Variants in KCNJ3 observed in about 807,000 individuals in gnomAD.
The protein encoded by KCNJ3 is G protein-activated inward rectifier potassium channel 1.
Under a neutral mutation model 39.2 loss-of-function variants are expected in KCNJ3, and 4 were observed. That is an observed-to-expected ratio of 0.10 (90% CI 0.05 to 0.23). KCNJ3 has a LOEUF of 0.23. Among genes scored for constraint, KCNJ3 ranks in the 10% least tolerant of loss-of-function variants. The probability of loss-of-function intolerance (pLI) is 1.00; values close to 1 mark genes in which losing one functional copy is unlikely to be tolerated. For missense variants in KCNJ3, 276 were observed against 634.9 expected, an observed-to-expected ratio of 0.43 and a Z score of 6.08; for synonymous variants, 230 against 237.4, an observed-to-expected ratio of 0.97 and a Z score of 0.29.
At chr2:154,759,992 A>C (rs1686010232) in intron 2 of KCNJ3, among the ~76,000 whole-genome samples, 1 of 151,552 alleles carries the variant, frequency 6.6e-6, no homozygotes, top group South Asian at 2.1e-4. Context: ...CTACAGAACT[A>C]TTTAAAGAAG....
intron 2 of KCNJ3, among the ~76,000 whole-genome samples, chr2:154,829,301 C>A (rs192139064): frequency 6.6e-6 from 1 of 152,050 alleles, no homozygotes; most frequent in Non-Finnish European, 1.5e-5. Flanking sequence ...CTCAAGTAGG[C>A]CCTGGTGTCT....
At chr2:154,796,338 A>G (rs1237557797) in intron 2 of KCNJ3, among the ~76,000 whole-genome samples, 1 of 152,160 alleles carries the variant, frequency 6.6e-6, no homozygotes, top group Non-Finnish European at 1.5e-5. Flanking sequence ...CCCTTCATAC[A>G]AAATTAAAAA....
intron 2 of KCNJ3, among the ~76,000 whole-genome samples, chr2:154,713,154 T>A (rs1426829154): frequency 6.6e-6 from 1 of 152,058 alleles, no homozygotes; most frequent in Non-Finnish European, 1.5e-5. Context: ...AAGCAGAGCC[T>A]GTATTTATAC....
chr2:154,698,958 C>T lies in KCNJ3; in HGVS notation c.183C>T (p.Gly61=). 6.2e-7 allele frequency: 1 copy of T among 1,614,174 alleles called. No homozygotes were observed. Among genetic ancestry groups the T allele is most frequent in the East Asian group, 2.2e-5 (1 of 44,844 alleles). Reference sequence around the variant, plus strand: ...GCAATGTACAGCACGGCAACCTGGGCAGCGAGACAAGCCGCTACCTCTCGG... The same window carrying T: ...GCAATGTACAGCACGGCAACCTGGGTAGCGAGACAAGCCGCTACCTCTCGG... ...GRCNVQHGNL[G]SETSRYLSDL... The change falls in exon 1 of 3, where the codon GGC becomes GGT. Residue 61 remains glycine, a synonymous_variant. Coordinates refer to ENST00000295101, the MANE Select transcript of KCNJ3 (RefSeq NM_002239.4).
At chr2:154,834,241 C>G (rs2961972) in intron 2 of KCNJ3, among the ~76,000 whole-genome samples, 30,305 of 151,958 alleles carry the variant, frequency 0.2, 3,365 homozygotes, top group East Asian at 0.4. Flanking sequence ...ATTTTGATAG[C>G]CATGTAATGA....
intron 2 of KCNJ3, among the ~76,000 whole-genome samples, chr2:154,726,243 T>C (rs1181706428): frequency 1.3e-5 from 2 of 151,948 alleles, no homozygotes; most frequent in African/African-American, 4.8e-5. Flanking sequence ...CCAGAATTTA[T>C]AAGAAACTCA....
intron 2 of KCNJ3, among the ~76,000 whole-genome samples, chr2:154,819,607 T>G (rs1687136096): frequency 6.6e-6 from 1 of 152,066 alleles, no homozygotes; most frequent in South Asian, 2.1e-4. Context: ...CTCGGCTCAC[T>G]GCAACCTCTG....
At chr2:154,735,221 G>C (rs1574440235) in intron 2 of KCNJ3, among the ~76,000 whole-genome samples, 3 of 151,832 alleles carry the variant, frequency 2.0e-5, no homozygotes, top group Non-Finnish European at 4.4e-5. Context: ...TGAGTAGCTG[G>C]GACTACAGGG....
In KCNJ3 at chr2:154,744,735, T is replaced by C. The variant is rs150438842; in HGVS notation, c.919+34916T>C. ...CTTTCTTTGCTAAAGGTTTATCAATTTTATGGATCATTTCCAACAACCAGG... is the reference window on the plus strand; with the variant it reads ...CTTTCTTTGCTAAAGGTTTATCAATCTTATGGATCATTTCCAACAACCAGG... On this transcript the variant is annotated intron_variant, in intron 2 of 2. Coordinates refer to ENST00000295101, the MANE Select transcript of KCNJ3 (RefSeq NM_002239.4). Among the ~76,000 whole-genome samples the C allele has an allele frequency of 2.0e-5, 3 of 151,990 alleles. No individual in the cohort carries two copies. The East Asian group carries it at 5.8e-4, about 29-fold the overall frequency.
intron 2 of KCNJ3, among the ~76,000 whole-genome samples, chr2:154,712,069 C>T (rs905697200): frequency 1.3e-5 from 2 of 152,096 alleles, no homozygotes; most frequent in Non-Finnish European, 2.9e-5. Flanking sequence ...ATAAGAAAAA[C>T]ATTACTCATA....
intron 2 of KCNJ3, among the ~76,000 whole-genome samples, chr2:154,778,704 A>T (rs540660187): frequency 6.6e-6 from 1 of 152,298 alleles, no homozygotes; most frequent in African/African-American, 2.4e-5. Flanking sequence ...CATTATACAT[A>T]TGCATATGCT....
chr2:154,701,630 C>T (rs569526692), intron 1 of KCNJ3, among the ~76,000 whole-genome samples: 19 of 151,958 alleles, frequency 1.3e-4, no homozygotes, highest in Middle Eastern at 3.4e-3. Context: ...TGTATAGTGT[C>T]GACAAATTTG....
chr2:154,726,508 G>A (rs545724510), intron 2 of KCNJ3, among the ~76,000 whole-genome samples: 17 of 152,168 alleles, frequency 1.1e-4, no homozygotes, highest in South Asian at 4.1e-4. Context: ...TTACACTGCC[G>A]GTGGGAATGT....
rs539124445 is a variant in KCNJ3 at position 154,849,229 on chromosome 2, G to T, written c.920-5498G>T. Among the ~76,000 whole-genome samples the T allele has an allele frequency of 4.6e-5, 7 of 152,272 alleles. No individual in the cohort carries two copies. In the South Asian group the frequency reaches 1.5e-3, roughly 32 times the overall value. ...GAGTTGTGAGGATTAAAGACAACTT[G>T]TAAATAGTGCTTAGAGAGATACTTG... On this transcript the variant is annotated intron_variant, in intron 2 of 2. Transcript: ENST00000295101.
intron 2 of KCNJ3, among the ~76,000 whole-genome samples, chr2:154,812,028 C>G (rs192130849): frequency 1.6e-4 from 24 of 152,188 alleles, no homozygotes; most frequent in African/African-American, 5.5e-4. Context: ...AAACAAAATT[C>G]TTTAAGAGGA....
At chr2:154,849,517 C>T (rs1031794993) in intron 2 of KCNJ3, among the ~76,000 whole-genome samples, 1 of 152,088 alleles carries the variant, frequency 6.6e-6, no homozygotes, top group Non-Finnish European at 1.5e-5. Context: ...CCCGCAAACA[C>T]ATCTATATTG....
intron 2 of KCNJ3, among the ~76,000 whole-genome samples, chr2:154,761,972 TA>T (rs910544186): frequency 1.3e-5 from 2 of 151,494 alleles, no homozygotes; most frequent in African/African-American, 4.9e-5. Flanking sequence ...AGAGTCCTTA[TA>T]AAAAAAAAGT....
chr2:154,801,544 T>C (rs368840596), intron 2 of KCNJ3, among the ~76,000 whole-genome samples: 2 of 151,696 alleles, frequency 1.3e-5, no homozygotes, highest in East Asian at 1.9e-4. Flanking sequence ...CTTCTTTCTT[T>C]CTTTCTTTTC....
At position 154,699,616 on chromosome 2, in the gene KCNJ3, G is replaced by C; in HGVS notation, c.702+139G>C. The C allele has an allele frequency of 7.6e-7, 1 of 1,312,980 alleles. No individual in the cohort carries two copies. Among genetic ancestry groups the C allele is most frequent in the African/African-American group, 1.5e-5 (1 of 67,578 alleles). The allele number at this position is 1,312,980 out of a possible 1,614,324, so 81.3% of individuals were successfully genotyped here. A position where few individuals can be genotyped will look rare whatever the true frequency, so the allele number is the denominator to read the frequency against. ...GTAAACTTCCTTTTGGGGGGTTGGG[G>C]GTTGGAGGACTGGGCAAAGAATGCG... On this transcript the variant is annotated intron_variant, in intron 1 of 2. Transcript: ENST00000295101. This position sits in a 1 kb window ranked among gnomAD's most constrained non-coding sequence, Gnocchi z 6.4.
Sources: allele counts gnomAD v4.1 joint callset (sites outside exome capture counted in the v4.1 genomes callset), GRCh38; gene constraint gnomAD v4.1.1; non-coding constraint Gnocchi (gnomAD v3.1); transcripts MANE v1.5; gene names NCBI Gene and HGNC (gene_info 2026-07-23, HGNC 2026-07-21).